SEMA6D: variants seen among roughly 807,000 people sequenced by gnomAD.
SEMA6D encodes semaphorin 6D, also known as semaphorin-6D.
In SEMA6D, 35 loss-of-function variants were observed where a neutral mutation model predicts 106.6. The observed-to-expected ratio is 0.33, with a 90% CI of 0.25 to 0.44. The LOEUF (loss-of-function observed/expected upper bound fraction) is 0.44, where lower values mean the gene tolerates loss of function less well. Among genes scored for constraint, SEMA6D ranks in the 20% least tolerant of loss-of-function variants. The pLI, the probability that SEMA6D is intolerant of heterozygous loss-of-function variation, is 1.00. For synonymous variants in SEMA6D, 499 were observed against 487.7 expected (o/e 1.02, Z -0.31); for missense variants, 1,185 against 1,345.9 (o/e 0.88, Z 1.87).
rs142020470 is a variant in SEMA6D, at chr15:47,297,673, A to C, written c.-239+113255A>C. Among the ~76,000 whole-genome samples the C allele has an allele frequency of 5.2e-3, 791 of 152,258 alleles. 6 individuals carry two copies. Among genetic ancestry groups the C allele is most frequent in the Middle Eastern group, 0.017 (5 of 294 alleles). On this transcript the variant is annotated intron_variant, in intron 1 of 19. Coordinates refer to the SEMA6D transcript ENST00000558014. ...ACGGTTATTACAAAATAAGGAAATA[A>C]ATACACAAAATGAGTGTCCATTGTG...
chr15:47,695,753 T>G (rs1426502807), intron 4 of SEMA6D, among the ~76,000 whole-genome samples: 1 of 152,220 alleles, frequency 6.6e-6, no homozygotes, highest in Non-Finnish European at 1.5e-5. Context: ...ACAATTGGTG[T>G]GACATTTGAA....
chr15:47,762,606 A>G (rs1442372237), intron 8 of SEMA6D, among the ~76,000 whole-genome samples: 1 of 152,184 alleles, frequency 6.6e-6, no homozygotes, highest in Non-Finnish European at 1.5e-5. Context: ...AATGCACATA[A>G]TACTACTTGC....
chr15:47,550,046 G>A (rs531331695), intron 3 of SEMA6D, among the ~76,000 whole-genome samples: 4 of 152,264 alleles, frequency 2.6e-5, no homozygotes, highest in Admixed American at 1.3e-4. Context: ...CCCAAGTATT[G>A]GCCTTTTGAG....
At chr15:47,529,442 G>A (rs2044874935) in intron 3 of SEMA6D, among the ~76,000 whole-genome samples, 1 of 152,124 alleles carries the variant, frequency 6.6e-6, no homozygotes, top group Admixed American at 6.5e-5. Flanking sequence ...GGGCAACAAG[G>A]CTTTAGCTGG....
chr15:47,565,803 A>T (rs1006770090), intron 3 of SEMA6D, among the ~76,000 whole-genome samples: 21 of 152,358 alleles, frequency 1.4e-4, no homozygotes, highest in African/African-American at 5.0e-4. Context: ...TGTTTTATTC[A>T]GTGCAAAGCG....
At chr15:47,768,492 T>G (rs2082462231) in intron 17 of SEMA6D, 89 bp from the exon 18 acceptor site, 6 of 1,145,976 alleles carry the variant, frequency 5.2e-6, no homozygotes, top group Non-Finnish European at 7.1e-6. Flanking sequence ...CTCATAAAAT[T>G]TACTCAAACT....
chr15:47,296,086 A>T (rs1487536359), intron 1 of SEMA6D, among the ~76,000 whole-genome samples: 2 of 152,214 alleles, frequency 1.3e-5, no homozygotes. Flanking sequence ...TAAGTCATGT[A>T]TCAAGTTTCT....
intron 3 of SEMA6D, among the ~76,000 whole-genome samples, chr15:47,493,703 G>A (rs1354569093): frequency 1.3e-5 from 2 of 152,064 alleles, no homozygotes; most frequent in Admixed American, 1.3e-4. Flanking sequence ...TTTTTGGGAG[G>A]TAAAATTACT....
At chr15:47,597,862 A>T (rs964757496) in intron 3 of SEMA6D, among the ~76,000 whole-genome samples, 5 of 149,002 alleles carry the variant, frequency 3.4e-5, no homozygotes, top group African/African-American at 9.8e-5. Context: ...TATATATATT[A>T]TATATATATA....
At chr15:47,561,575 G>A (rs2046081575) in intron 3 of SEMA6D, among the ~76,000 whole-genome samples, 1 of 151,094 alleles carries the variant, frequency 6.6e-6, no homozygotes, top group South Asian at 2.1e-4. Flanking sequence ...TTAAATATAG[G>A]TAAATATATT....
chr15:47,763,760 A>G, intron 9 of SEMA6D, 90 bp from the exon 10 acceptor site: 3 of 1,131,880 alleles, frequency 2.7e-6, no homozygotes, highest in Non-Finnish European at 4.0e-6. Flanking sequence ...TATCTTTAGT[A>G]TTTTTTGTCC....
intron 2 of SEMA6D, among the ~76,000 whole-genome samples, chr15:47,431,256 A>G (rs1378218820): frequency 6.6e-6 from 1 of 152,152 alleles, no homozygotes; most frequent in African/African-American, 2.4e-5. Flanking sequence ...CATACAATTG[A>G]ATATCATTTT....
At chr15:47,533,987 AC>A (rs2142097544) in intron 3 of SEMA6D, among the ~76,000 whole-genome samples, 1 of 152,310 alleles carries the variant, frequency 6.6e-6, no homozygotes, top group South Asian at 2.1e-4. Context: ...ATTAACTTTA[AC>A]CGAGGTGCAA....
chr15:47,557,182 C>G (rs1464882961), intron 3 of SEMA6D, among the ~76,000 whole-genome samples: 1 of 152,100 alleles, frequency 6.6e-6, no homozygotes, highest in Non-Finnish European at 1.5e-5. Context: ...CTAGGGGAAA[C>G]TCAACAGTCA....
Position 47,646,993 on chromosome 15 carries a change from A to G in SEMA6D, c.-55+46097A>G, listed in dbSNP as rs57121879. On this transcript the variant is annotated intron_variant, in intron 4 of 19. Transcript: ENST00000558014. ...AATTGTGCAGCAACCTACACCCTCC[A>G]TACTCTGCTAAATCCCTAGGTGATC... is the stretch of plus-strand genomic sequence containing the variant. Among the ~76,000 whole-genome samples, 68 of 152,328 alleles carry G rather than the reference A, an allele frequency of 4.5e-4. No homozygotes were observed. The East Asian group carries it at 0.013, about 28-fold the overall frequency.
At chr15:47,649,858 G>A (rs1179480791) in intron 4 of SEMA6D, among the ~76,000 whole-genome samples, 2 of 151,180 alleles carry the variant, frequency 1.3e-5, no homozygotes, top group Non-Finnish European at 3.0e-5. Flanking sequence ...GGCTAATAGT[G>A]TACTCTTAAA....
intron 1 of SEMA6D, among the ~76,000 whole-genome samples, chr15:47,741,903 C>G (rs559352447): frequency 6.6e-6 from 1 of 152,190 alleles, no homozygotes; most frequent in South Asian, 2.1e-4. Flanking sequence ...GCAATTCTAC[C>G]CACTGTGGCA....
intron 13 of SEMA6D, 159 bp from the exon 14 acceptor site, chr15:47,765,710 G>C (rs932607168): frequency 3.0e-6 from 2 of 670,768 alleles, no homozygotes; most frequent in African/African-American, 3.8e-5. Context: ...ATGCAGAGAA[G>C]TAGAAGATGA....
chr15:47,254,788 C>A (rs759959020), intron 1 of SEMA6D, among the ~76,000 whole-genome samples: 1 of 151,186 alleles, frequency 6.6e-6, no homozygotes, highest in Non-Finnish European at 1.5e-5. Context: ...GGTGAATAAT[C>A]TTTTTAATGT....
Sources: gnomAD v4.1 joint callset for allele counts (sites outside exome capture counted in the v4.1 genomes callset) on GRCh38, gnomAD v4.1.1 for gene constraint, MANE v1.5 for transcripts, NCBI Gene and HGNC (gene_info 2026-07-23, HGNC 2026-07-21) for gene names.